TENM4: variants seen among roughly 807,000 people sequenced by gnomAD.
TENM4 encodes teneurin transmembrane protein 4.
A neutral mutation model predicts 243.3 loss-of-function variants in TENM4; 82 were observed. The ratio of observed to expected loss-of-function variants is 0.34; its 90% CI spans 0.28 to 0.40. TENM4 has a LOEUF of 0.40. Ranked by LOEUF, TENM4 falls within the 10% of genes least tolerant of loss-of-function variation. The probability of loss-of-function intolerance (pLI) is 1.00; values close to 1 mark genes in which losing one functional copy is unlikely to be tolerated. For missense variants in TENM4, 3,138 were observed against 3,673.3 expected (o/e 0.85, Z 3.77); for synonymous variants, 1,412 against 1,456.3 (o/e 0.97, Z 0.69).
At chr11:78,675,055 T>C (rs1858431419) in intron 30 of TENM4, among the ~76,000 whole-genome samples, 1 of 151,994 alleles carries the variant, frequency 6.6e-6, no homozygotes, top group African/African-American at 2.4e-5. Context: ...TTAGTAGAGA[T>C]GAAGTTTCAC....
intron 2 of TENM4, among the ~76,000 whole-genome samples, chr11:79,271,636 G>A (rs1353366374): frequency 2.6e-5 from 4 of 152,164 alleles, no homozygotes; most frequent in Admixed American, 6.5e-5. Flanking sequence ...GGGGCTGGGT[G>A]GAGCCCAGGT....
chr11:79,099,823 A>G (rs79612479), intron 4 of TENM4, among the ~76,000 whole-genome samples: 2,488 of 152,302 alleles, frequency 0.016, 54 homozygotes, highest in African/African-American at 0.057. Flanking sequence ...GCTCTTGTTA[A>G]TCTGTACCCA....
intron 6 of TENM4, among the ~76,000 whole-genome samples, chr11:78,913,366 C>T (rs1419973722): frequency 1.3e-5 from 2 of 152,110 alleles, no homozygotes; most frequent in Non-Finnish European, 2.9e-5. Flanking sequence ...CCAGCTGCAG[C>T]CGGAGGGGTG....
chr11:79,400,273 A>C (rs540186147), intron 1 of TENM4, among the ~76,000 whole-genome samples: 3 of 151,362 alleles, frequency 2.0e-5, no homozygotes, highest in African/African-American at 7.3e-5. Flanking sequence ...GAATCCAGTC[A>C]CTGCAACTTT....
intron 4 of TENM4, among the ~76,000 whole-genome samples, chr11:79,077,632 C>T (rs1213149992): frequency 6.6e-6 from 1 of 152,142 alleles, no homozygotes; most frequent in Non-Finnish European, 1.5e-5. Flanking sequence ...CTGAAAAACA[C>T]TGTCCTAGAT....
In TENM4 at chr11:79,304,505, A is replaced by T. The variant is rs576525701; in HGVS notation, c.-320-6962T>A. ...TCAGGCCTTGGATTTTTCCCCCTGG[A>T]CATCCACTGCTGATCAGGTCCTTGA... is the stretch of plus-strand genomic sequence containing the variant. On this transcript the variant is annotated intron_variant, in intron 1 of 33. Transcript: ENST00000278550. 2.6e-5 allele frequency among the ~76,000 whole-genome samples: 4 copies of T among 152,278 alleles called. No individual in the cohort carries two copies. In the South Asian group the frequency reaches 8.3e-4, roughly 32 times the overall value.
In TENM4 at chr11:78,669,192, A is replaced by G. The variant is rs1858243875; in HGVS notation, c.7153T>C (p.Tyr2385His). 6.2e-7 allele frequency: 1 copy of G among 1,612,308 alleles called. No homozygotes were observed. Among genetic ancestry groups the G allele is most frequent in the African/African-American group, 1.3e-5 (1 of 74,398 alleles). Reference protein sequence around the residue: ...LMIKQILYTAYGEIYMDTNPN... With the variant: ...LMIKQILYTAHGEIYMDTNPN... ...TTGGTATCCATGTAGATCTCCCCATAGGCTGTGTACAGGATTTGCTTGATC... is the reference window on the plus strand; with the variant it reads ...TTGGTATCCATGTAGATCTCCCCATGGGCTGTGTACAGGATTTGCTTGATC... Residue 2385 changes from tyrosine to histidine, a missense_variant, in exon 32 of 34, where the codon TAT becomes CAT. Tyr to His is a moderately conservative substitution (Grantham distance 83, BLOSUM62 2). Coordinates refer to ENST00000278550, the MANE Select transcript of TENM4 (RefSeq NM_001098816.3). This position sits in a 1 kb window ranked among gnomAD's most constrained non-coding sequence, Gnocchi z 6.4.
chr11:79,144,354 A>G (rs1862352279), intron 4 of TENM4, among the ~76,000 whole-genome samples: 1 of 152,056 alleles, frequency 6.6e-6, no homozygotes, highest in South Asian at 2.1e-4. Context: ...TACAACCGCT[A>G]TGGAGAACAG....
At chr11:79,230,015 T>G (rs1864345610) in intron 2 of TENM4, among the ~76,000 whole-genome samples, 1 of 125,466 alleles carries the variant, frequency 8.0e-6, no homozygotes, top group African/African-American at 3.1e-5. Context: ...TTTTTTTTTG[T>G]AGTAGAGACT....
intron 2 of TENM4, among the ~76,000 whole-genome samples, chr11:79,233,644 A>T (rs1590814082): frequency 6.6e-6 from 1 of 152,006 alleles, no homozygotes; most frequent in Non-Finnish European, 1.5e-5. Context: ...TGGTGGGGCA[A>T]GGCGGGGGGC....
At chr11:78,674,924 G>A (rs552420553) in intron 30 of TENM4, among the ~76,000 whole-genome samples, 28 of 151,778 alleles carry the variant, frequency 1.8e-4, no homozygotes, top group African/African-American at 5.8e-4. Flanking sequence ...GGAGTGCAGC[G>A]GCGCGATCTC....
chr11:78,817,016 T>C (rs974471864), intron 12 of TENM4, among the ~76,000 whole-genome samples: 2 of 152,192 alleles, frequency 1.3e-5, no homozygotes, highest in Non-Finnish European at 2.9e-5. Flanking sequence ...CTGCAACTGC[T>C]TCCTGTTCTA....
At chr11:78,773,639 T>C (rs1307601854) in intron 17 of TENM4, among the ~76,000 whole-genome samples, 1 of 152,216 alleles carries the variant, frequency 6.6e-6, no homozygotes, top group African/African-American at 2.4e-5. Context: ...CTCTTGCAAT[T>C]ACTCAACTCT....
intron 7 of TENM4, 143 bp downstream of exon 7, chr11:78,903,125 C>T (rs1855968600): frequency 1.2e-5 from 14 of 1,204,056 alleles, no homozygotes; most frequent in Non-Finnish European, 1.3e-5. Context: ...GTCAGGGAAC[C>T]GCATCCCTAA....
At chr11:78,882,844 T>C (rs1259516147) in intron 9 of TENM4, among the ~76,000 whole-genome samples, 2 of 152,224 alleles carry the variant, frequency 1.3e-5, no homozygotes, top group East Asian at 1.9e-4. Context: ...AATTAAACTA[T>C]CACCACTTCA....
chr11:78,690,696 C>G (rs1462650320), intron 28 of TENM4, among the ~76,000 whole-genome samples: 1 of 152,050 alleles, frequency 6.6e-6, no homozygotes, highest in Non-Finnish European at 1.5e-5. Flanking sequence ...TCAAGACCCC[C>G]AAAACTGGTT....
chr11:78,917,954 G>A (rs1421499294), intron 6 of TENM4, among the ~76,000 whole-genome samples: 2 of 152,126 alleles, frequency 1.3e-5, no homozygotes, highest in Non-Finnish European at 2.9e-5. Context: ...CTAAGAACAC[G>A]CATGACACAC....
At chr11:79,390,447 G>C (rs1327009517) in intron 1 of TENM4, among the ~76,000 whole-genome samples, 1 of 152,208 alleles carries the variant, frequency 6.6e-6, no homozygotes, top group Non-Finnish European at 1.5e-5. Flanking sequence ...AGAACAGAAA[G>C]AACCAAATTG....
intron 29 of TENM4, among the ~76,000 whole-genome samples, chr11:78,685,069 A>C (rs1858633851): frequency 1.3e-5 from 2 of 152,074 alleles, no homozygotes; most frequent in South Asian, 4.2e-4. Flanking sequence ...ACACATGCAA[A>C]AATTCTAAAA....
Sources: allele counts gnomAD v4.1 joint callset (sites outside exome capture counted in the v4.1 genomes callset), GRCh38; gene constraint gnomAD v4.1.1; non-coding constraint Gnocchi (gnomAD v3.1); transcripts MANE v1.5; gene names NCBI Gene and HGNC (gene_info 2026-07-23, HGNC 2026-07-21).